CSMD1: variants seen among roughly 807,000 people sequenced by gnomAD.
CSMD1 encodes the protein CUB and Sushi multiple domains 1.
A neutral mutation model predicts 417.5 loss-of-function variants in CSMD1; 213 were observed. The ratio of observed to expected loss-of-function variants is 0.51; its 90% CI spans 0.46 to 0.57. The LOEUF (loss-of-function observed/expected upper bound fraction) is 0.57, where lower values mean the gene tolerates loss of function less well. Among genes scored for constraint, CSMD1 ranks in the 20% least tolerant of loss-of-function variants. The pLI, the probability that CSMD1 is intolerant of heterozygous loss-of-function variation, is 0.00. For missense variants in CSMD1, 6,923 were observed against 4,529.7 expected (o/e 1.53, Z -15.17); for synonymous variants, 2,862 against 1,736.8 (o/e 1.65, Z -16.11).
At chr8:3,643,554 G>A (rs560672497) in intron 7 of CSMD1, among the ~76,000 whole-genome samples, 23 of 151,872 alleles carry the variant, frequency 1.5e-4, no homozygotes, top group Admixed American at 2.6e-4. Flanking sequence ...TACAAAAATT[G>A]GCCGGGCGTG....
rs191589746 is a variant in CSMD1, at chr8:4,462,268, A to C, written c.303-42203T>G. Reference sequence around the variant, plus strand: ...CTTTACCATAGCATCTAAAAACTCCAAAATAATTAGGAATAAATTTAACAA... The same window carrying C: ...CTTTACCATAGCATCTAAAAACTCCCAAATAATTAGGAATAAATTTAACAA... On this transcript the variant is annotated intron_variant, in intron 2 of 69. Transcript: ENST00000635120. Among the ~76,000 whole-genome samples the C allele has an allele frequency of 5.0e-4, 76 of 152,320 alleles. 1 individual carries two copies. The Middle Eastern group carries it at 0.02, about 41-fold the overall frequency.
chr8:4,955,108 G>A (rs1316604397), intron 1 of CSMD1, among the ~76,000 whole-genome samples: 1 of 152,046 alleles, frequency 6.6e-6, no homozygotes, highest in African/African-American at 2.4e-5. Flanking sequence ...CACAGAAATG[G>A]CTTTAAATGG....
intron 4 of CSMD1, among the ~76,000 whole-genome samples, chr8:4,014,182 T>A (rs1158870053): frequency 1.3e-5 from 2 of 152,178 alleles, no homozygotes; most frequent in African/African-American, 4.8e-5. Context: ...ATGCATTCAT[T>A]AAGTTTGCAA....
At chr8:3,239,562 G>C (rs1799362599) in intron 26 of CSMD1, among the ~76,000 whole-genome samples, 1 of 152,184 alleles carries the variant, frequency 6.6e-6, no homozygotes, top group Admixed American at 6.5e-5. Context: ...TTGATGTGTA[G>C]GGAAGGGTGG....
rs2117353582 is a variant in CSMD1, at chr8:3,303,126, G to A, written c.3950+4569C>T. 1.3e-5 allele frequency among the ~76,000 whole-genome samples: 2 copies of A among 152,322 alleles called. 1 individual carries two copies. Among genetic ancestry groups the A allele is most frequent in the East Asian group, 3.9e-4 (2 of 5,192 alleles). On this transcript the variant is annotated intron_variant, in intron 25 of 69. Transcript: ENST00000635120. ...TAAGGGAAGGGTCTATAGTGATGTT[G>A]ATAGGAATGGAGAAATTGGACATGC...
chr8:4,759,945 G>A (rs139452793), intron 1 of CSMD1, among the ~76,000 whole-genome samples: 2 of 152,252 alleles, frequency 1.3e-5, no homozygotes, highest in Admixed American at 6.5e-5. Flanking sequence ...GAATTACTAG[G>A]TCAAAGGGTA....
At chr8:3,712,398 G>C (rs111585507) in intron 6 of CSMD1, among the ~76,000 whole-genome samples, 20 of 28,928 alleles carry the variant, frequency 6.9e-4, no homozygotes, top group African/African-American at 1.4e-3. Flanking sequence ...GAGAGAGAGA[G>C]AGACAGACAG....
chr8:3,874,916 C>T (rs13261072), intron 5 of CSMD1, among the ~76,000 whole-genome samples: 10,953 of 152,124 alleles, frequency 0.072, 477 homozygotes, highest in South Asian at 0.15. Flanking sequence ...TTGAATAAGA[C>T]TTGGGGAAGA....
intron 10 of CSMD1, among the ~76,000 whole-genome samples, chr8:3,527,274 T>C (rs761337830): frequency 1.3e-5 from 2 of 152,212 alleles, no homozygotes; most frequent in African/African-American, 2.4e-5. Context: ...GGAATTATAA[T>C]GGGAGAAATC....
At chr8:3,512,979 C>A (rs779480815) in intron 10 of CSMD1, among the ~76,000 whole-genome samples, 3 of 152,030 alleles carry the variant, frequency 2.0e-5, no homozygotes, top group African/African-American at 7.2e-5. Flanking sequence ...AAGAAGTCTC[C>A]GTCCCTATGA....
intron 7 of CSMD1, among the ~76,000 whole-genome samples, chr8:3,635,432 C>T (rs555677041): frequency 4.6e-4 from 70 of 151,042 alleles, no homozygotes; most frequent in African/African-American, 1.4e-3. Flanking sequence ...TGCAGTGAGC[C>T]GAGAGTGCAC....
chr8:3,510,668 T>C (rs536362926), intron 10 of CSMD1, among the ~76,000 whole-genome samples: 29 of 108,724 alleles, frequency 2.7e-4, no homozygotes, highest in Admixed American at 1.3e-3. Context: ...ATGTAAGATA[T>C]AGAGGCAGGA....
chr8:3,442,108 T>A (rs1259628444), intron 12 of CSMD1, among the ~76,000 whole-genome samples: 1 of 151,940 alleles, frequency 6.6e-6, no homozygotes, highest in Non-Finnish European at 1.5e-5. Context: ...TAAAAAATGT[T>A]TACAGAAGAA....
chr8:4,193,647 T>C (rs138251330), intron 3 of CSMD1, among the ~76,000 whole-genome samples: 1 of 151,800 alleles, frequency 6.6e-6, no homozygotes, highest in Non-Finnish European at 1.5e-5. Flanking sequence ...AGGCCCAGTG[T>C]TTAGTATTTA....
chr8:4,157,587 C>T (rs928005545), intron 3 of CSMD1, among the ~76,000 whole-genome samples: 3 of 152,270 alleles, frequency 2.0e-5, no homozygotes, highest in East Asian at 1.9e-4. Flanking sequence ...GACCCTCTGC[C>T]GGTCATGTAA....
At chr8:3,598,738 G>T (rs1364067453) in intron 8 of CSMD1, among the ~76,000 whole-genome samples, 1 of 152,130 alleles carries the variant, frequency 6.6e-6, no homozygotes, top group Non-Finnish European at 1.5e-5. Flanking sequence ...GTAGTGATTT[G>T]TAATTTCCCC....
intron 1 of CSMD1, among the ~76,000 whole-genome samples, chr8:4,962,798 T>G (rs980959931): frequency 3.3e-5 from 5 of 152,150 alleles, no homozygotes; most frequent in African/African-American, 1.2e-4. Context: ...ATTACACTCC[T>G]TAGTAAAAAT....
intron 1 of CSMD1, among the ~76,000 whole-genome samples, chr8:4,813,686 G>A (rs1487241554): frequency 6.6e-6 from 1 of 152,170 alleles, no homozygotes; most frequent in Non-Finnish European, 1.5e-5. Context: ...ACACTATTAA[G>A]AGATTCAAGA....
intron 6 of CSMD1, among the ~76,000 whole-genome samples, chr8:3,714,075 C>G (rs144340661): frequency 7.1e-6 from 1 of 139,964 alleles, no homozygotes; most frequent in African/African-American, 2.6e-5. Context: ...CACATACACA[C>G]ATATGTATAT....
Sources: gnomAD v4.1 joint callset for allele counts (sites outside exome capture counted in the v4.1 genomes callset) on GRCh38, gnomAD v4.1.1 for gene constraint, MANE v1.5 for transcripts, NCBI Gene and HGNC (gene_info 2026-07-23, HGNC 2026-07-21) for gene names.